The following WIPF3 variants were observed in gnomAD, a reference collection of about 807,000 sequenced individuals.
WIPF3 encodes WAS/WASL interacting protein family member 3, also known as WAS/WASL-interacting protein family member 3.
In WIPF3, 33 loss-of-function variants were observed where a neutral mutation model predicts 38.9. That is an observed-to-expected ratio of 0.85 (90% CI 0.64 to 1.14). The LOEUF (loss-of-function observed/expected upper bound fraction) is 1.14. Among genes scored for constraint, WIPF3 ranks in the 50% most tolerant of loss-of-function variants. WIPF3 has a pLI of 0.00. For synonymous variants in WIPF3, 324 were observed against 269.3 expected (o/e 1.20, Z -1.99); for missense variants, 711 against 652.5 (o/e 1.09, Z -0.98).
intron 2 of WIPF3, among the ~76,000 whole-genome samples, chr7:29,845,942 A>G (rs1394869830): frequency 1.3e-5 from 2 of 152,242 alleles, no homozygotes; most frequent in East Asian, 3.9e-4. Flanking sequence ...AAGCCTTGAA[A>G]GCCAGAACAA....
rs148217406 is a variant in WIPF3, at chr7:29,823,179, A to G, written c.-57-11489A>G. Among the ~76,000 whole-genome samples, 149 of 152,368 alleles carry G rather than the reference A, an allele frequency of 9.8e-4. No individual in the cohort carries two copies. The highest frequency in any genetic ancestry group is 1.7e-3 in the Non-Finnish European group (115 of 68,034). ...GAACTAGAAACCAGTTTTCCCAGCT[A>G]TTAAATGATTTCTCTTTGATTGCCT... On this transcript the variant is annotated intron_variant, in intron 1 of 8. Transcript: ENST00000242140. The surrounding 1 kb of genome is among the most constrained non-coding windows in gnomAD (Gnocchi z 4.0).
intron 1 of WIPF3, among the ~76,000 whole-genome samples, chr7:29,829,646 G>A (rs2128064476): frequency 6.6e-6 from 1 of 152,326 alleles, no homozygotes; most frequent in East Asian, 1.9e-4. Context: ...ACAGAATTAA[G>A]CATTATCACT....
At chr7:29,814,863 A>G (rs1784432538) in intron 1 of WIPF3, among the ~76,000 whole-genome samples, 1 of 152,192 alleles carries the variant, frequency 6.6e-6, no homozygotes, top group African/African-American at 2.4e-5. Flanking sequence ...TGCCCAGGGA[A>G]TAAAGGTGTA....
intron 5 of WIPF3, among the ~76,000 whole-genome samples, chr7:29,885,232 C>T (rs1057185645): frequency 6.6e-6 from 1 of 152,184 alleles, no homozygotes; most frequent in African/African-American, 2.4e-5. Context: ...TTGAATTGAG[C>T]GTTCATGCCC....
At chr7:29,880,690 A>T (rs150037120) in intron 4 of WIPF3, among the ~76,000 whole-genome samples, 1 of 152,252 alleles carries the variant, frequency 6.6e-6, no homozygotes, top group African/African-American at 2.4e-5. Flanking sequence ...TAAGTGTCAG[A>T]TGTTTGAGCC....
chr7:29,838,648 T>G (rs1326634888), intron 2 of WIPF3, among the ~76,000 whole-genome samples: 1 of 151,828 alleles, frequency 6.6e-6, no homozygotes, highest in Non-Finnish European at 1.5e-5. Context: ...CTGGTGGGAG[T>G]GTAAATTGAT....
At chr7:29,887,101 C>T (rs1785899133) in intron 5 of WIPF3, among the ~76,000 whole-genome samples, 1 of 152,230 alleles carries the variant, frequency 6.6e-6, no homozygotes, top group African/African-American at 2.4e-5. Context: ...ATGCCTGCTG[C>T]AGCTGGGGCC....
At chr7:29,855,385 A>G (rs142177616) in intron 2 of WIPF3, among the ~76,000 whole-genome samples, 3 of 152,344 alleles carry the variant, frequency 2.0e-5, no homozygotes, top group African/African-American at 7.2e-5. Flanking sequence ...CTAATGACAT[A>G]AATTGCTGAG....
At chr7:29,847,916 T>G (rs1211101161) in intron 2 of WIPF3, among the ~76,000 whole-genome samples, 1 of 152,006 alleles carries the variant, frequency 6.6e-6, no homozygotes, top group African/African-American at 2.4e-5. Flanking sequence ...CGACAAGAGG[T>G]CAGGTGAAGG....
rs972965976 is a variant in WIPF3, at chr7:29,884,466, C to T, written c.972C>T (p.Pro324=). The part of the protein sequence containing the change: ...PGVNSSSETP[P]PLPPKSPSFQ... ...TTAATAGCAGCAGTGAAACTCCACC[C>T]CCGCTACCCCCTAAATCCCCCAGCT... is the stretch of plus-strand genomic sequence containing the variant. Residue 324 remains proline (P), a synonymous_variant, in exon 5 of 9, where the codon CCC becomes CCT. Transcript: ENST00000242140. 5.8e-6 allele frequency: 9 copies of T among 1,559,542 alleles called. No individual in the cohort carries two copies. Among genetic ancestry groups the T allele is most frequent in the Non-Finnish European group, 6.1e-6 (7 of 1,152,886 alleles).
At chr7:29,851,716 C>T (rs575772881) in intron 2 of WIPF3, among the ~76,000 whole-genome samples, 1 of 152,356 alleles carries the variant, frequency 6.6e-6, no homozygotes, top group South Asian at 2.1e-4. Context: ...TGCATGGCCG[C>T]ATGCTGGTGC....
chr7:29,910,247 G>A (rs776810081), intron 8 of WIPF3, among the ~76,000 whole-genome samples: 2 of 152,000 alleles, frequency 1.3e-5, no homozygotes, highest in African/African-American at 2.4e-5. Flanking sequence ...TAGAAAATCT[G>A]AATAGACTTA....
chr7:29,890,045 C>G (rs965995406), intron 7 of WIPF3, among the ~76,000 whole-genome samples: 30 of 152,174 alleles, frequency 2.0e-4, no homozygotes, highest in Non-Finnish European at 2.9e-5. Flanking sequence ...ACATTTAACC[C>G]AGCTTAACTG....
chr7:29,891,240 A>AACAC (rs1786014707), intron 7 of WIPF3, among the ~76,000 whole-genome samples: 2 of 45,160 alleles, frequency 4.4e-5, no homozygotes, highest in African/African-American at 1.9e-4. Flanking sequence ...GGAGGGGGCG[A>AACAC]GGGCCTGCCC....
intron 1 of WIPF3, among the ~76,000 whole-genome samples, chr7:29,814,135 G>C (rs939437324): frequency 6.6e-6 from 1 of 152,100 alleles, no homozygotes. Context: ...TGGCCAGGCT[G>C]GTCTCGAACT....
chr7:29,888,715 A>G (rs1318882493), intron 6 of WIPF3, among the ~76,000 whole-genome samples: 2 of 152,160 alleles, frequency 1.3e-5, no homozygotes, highest in South Asian at 2.1e-4. Context: ...GTGCTGGGCT[A>G]GTGTCTGACA....
intron 2 of WIPF3, among the ~76,000 whole-genome samples, chr7:29,856,821 C>T (rs1785193854): frequency 6.6e-6 from 1 of 152,068 alleles, no homozygotes; most frequent in South Asian, 2.1e-4. Context: ...ACCTTCTGGG[C>T]AACATGGAAA....
intron 2 of WIPF3, among the ~76,000 whole-genome samples, chr7:29,860,275 C>T (rs1360910105): frequency 1.3e-5 from 2 of 152,086 alleles, no homozygotes; most frequent in African/African-American, 2.4e-5. Flanking sequence ...TACTTGTCTC[C>T]CCAAACCTCA....
At chr7:29,813,764 A>G (rs946835629) in intron 1 of WIPF3, among the ~76,000 whole-genome samples, 10 of 152,256 alleles carry the variant, frequency 6.6e-5, no homozygotes, top group Admixed American at 6.5e-4. Context: ...CATCGCCATT[A>G]TTTAATTCCA....
Sources: allele counts gnomAD v4.1 joint callset (sites outside exome capture counted in the v4.1 genomes callset), GRCh38; gene constraint gnomAD v4.1.1; non-coding constraint Gnocchi (gnomAD v3.1); transcripts MANE v1.5; gene names NCBI Gene and HGNC (gene_info 2026-07-23, HGNC 2026-07-21).